UBE2F: variants seen among roughly 807,000 people sequenced by gnomAD.
UBE2F encodes ubiquitin conjugating enzyme E2 F (putative).
UBE2F carries 5 observed loss-of-function variants against 29.6 expected under a neutral mutation model. The ratio of observed to expected loss-of-function variants is 0.17; its 90% CI spans 0.09 to 0.36. The LOEUF (loss-of-function observed/expected upper bound fraction) is 0.36. Among genes scored for constraint, UBE2F ranks in the 10% least tolerant of loss-of-function variants. The pLI is 1.00. For missense variants in UBE2F, 141 were observed against 228.5 expected, an observed-to-expected ratio of 0.62 and a Z score of 2.47; for synonymous variants, 66 against 81.8, an observed-to-expected ratio of 0.81 and a Z score of 1.04.
chr2:237,974,750 G>A (rs1476070576), intron 2 of UBE2F, among the ~76,000 whole-genome samples: 1 of 151,908 alleles, frequency 6.6e-6, no homozygotes, highest in Non-Finnish European at 1.5e-5. Flanking sequence ...CCTGACCTCA[G>A]GTGATCCGCC....
At chr2:238,005,592 G>C (rs1441757094) in intron 4 of UBE2F, among the ~76,000 whole-genome samples, 1 of 122,000 alleles carries the variant, frequency 8.2e-6, no homozygotes, top group Non-Finnish European at 1.6e-5. Flanking sequence ...CAAGAGAAGA[G>C]TGTAGTTTTC....
intron 4 of UBE2F, among the ~76,000 whole-genome samples, chr2:238,002,778 A>AT (rs960237115): frequency 2.4e-4 from 36 of 151,490 alleles, no homozygotes; most frequent in African/African-American, 8.2e-4. Flanking sequence ...CGCCTGGCTA[A>AT]TTTTTATTTT....
chr2:238,020,425 G>A (rs919175903), intron 5 of UBE2F, among the ~76,000 whole-genome samples: 4 of 152,176 alleles, frequency 2.6e-5, no homozygotes, highest in African/African-American at 9.7e-5. Context: ...AACGGATACA[G>A]CAGCCAGTGC....
At chr2:237,993,520 C>T (rs1241667898) in intron 3 of UBE2F, among the ~76,000 whole-genome samples, 3 of 152,086 alleles carry the variant, frequency 2.0e-5, no homozygotes, top group African/African-American at 7.2e-5. Flanking sequence ...CAAGACTAGC[C>T]TGGGTAACAT....
At position 237,996,481 on chromosome 2, in the gene UBE2F, T is replaced by G. The variant is rs533741566; in HGVS notation, c.214+1672T>G. On this transcript the variant is annotated intron_variant, in intron 4 of 9. Transcript: ENST00000272930. ...CTTCCCCGCCTCCCCTCCGCGTTTT[T>G]TTTTTTTTTTTGAGACCAAGTCTCA... Among the ~76,000 whole-genome samples the G allele has an allele frequency of 2.1e-3, 320 of 151,432 alleles. 2 individuals are homozygous for G. The highest frequency in any genetic ancestry group is 3.4e-3 in the Middle Eastern group (1 of 294).
chr2:238,032,482 G>A, intron 8 of UBE2F: 1 of 486,820 alleles, frequency 2.1e-6, no homozygotes, highest in Non-Finnish European at 3.7e-6. Context: ...GGGCATAGTG[G>A]CACATGTCTG....
At chr2:238,031,477 A>G (rs373198620) in intron 7 of UBE2F, among the ~76,000 whole-genome samples, 1 of 152,142 alleles carries the variant, frequency 6.6e-6, no homozygotes, top group Non-Finnish European at 1.5e-5. Context: ...CCTGGCTCAC[A>G]TCGGAAGGTC....
Position 237,995,052 on chromosome 2 carries a change from G to A in UBE2F, c.214+243G>A, listed in dbSNP as rs953044058. Among the ~76,000 whole-genome samples the A allele has an allele frequency of 5.1e-4, 77 of 152,218 alleles. 2 individuals are homozygous for A. The highest frequency in any genetic ancestry group is 1.9e-3 in the African/African-American group (77 of 41,454). ...ATAAATATAACTAAAGTTAATGACA[G>A]CTGAGGCAGTTGGTGTATAGTGAAG... On this transcript the variant is annotated intron_variant, in intron 4 of 9. Coordinates refer to ENST00000272930, the MANE Select transcript of UBE2F (RefSeq NM_080678.3).
chr2:238,004,274 T>C (rs1045897486), intron 4 of UBE2F, among the ~76,000 whole-genome samples: 1 of 152,254 alleles, frequency 6.6e-6, no homozygotes, highest in Non-Finnish European at 1.5e-5. Context: ...CAGCATTTAG[T>C]TGAAAAAACT....
chr2:238,005,883 G>A (rs1486015505), intron 4 of UBE2F, among the ~76,000 whole-genome samples: 1 of 152,092 alleles, frequency 6.6e-6, no homozygotes, highest in Non-Finnish European at 1.5e-5. Context: ...AATTATTTTG[G>A]TGATTTTTGT....
At chr2:238,029,595 CAA>C (rs10557852) in intron 6 of UBE2F, among the ~76,000 whole-genome samples, 94,177 of 134,950 alleles carry the variant, frequency 0.7, 32,577 homozygotes, top group East Asian at 0.91. Context: ...GACTCCGTCT[CAA>C]AAAAAAAAAA....
intron 5 of UBE2F, among the ~76,000 whole-genome samples, chr2:238,023,275 A>G (rs1243804294): frequency 6.6e-6 from 1 of 152,260 alleles, no homozygotes; most frequent in Non-Finnish European, 1.5e-5. Context: ...GGAAAGATGC[A>G]GTTCCTCCTT....
At chr2:238,007,181 G>A (rs368190313) in intron 4 of UBE2F, among the ~76,000 whole-genome samples, 3 of 152,176 alleles carry the variant, frequency 2.0e-5, no homozygotes, top group African/African-American at 7.2e-5. Flanking sequence ...GAGTGCAGTG[G>A]TGTGATCTCA....
At position 238,042,661 on chromosome 2, in the gene UBE2F, C is replaced by A. The variant is rs2064854712; in HGVS notation, c.*1323C>A. ...TCCTTAGACCTCTGGATTCCCCCATCTGCCATCTACTGGGTTTAGTTTGTT... is the reference window on the plus strand; with the variant it reads ...TCCTTAGACCTCTGGATTCCCCCATATGCCATCTACTGGGTTTAGTTTGTT... On this transcript the variant is annotated 3_prime_UTR_variant, in exon 10 of 10. Transcript: ENST00000272930. 1 of 152,256 alleles carries A rather than the reference C, an allele frequency of 6.6e-6. No homozygotes were observed. Among genetic ancestry groups the A allele is most frequent in the Non-Finnish European group, 1.5e-5 (1 of 68,064 alleles). The allele number at this position is 152,256 out of a possible 1,614,324, so 9.4% of individuals were successfully genotyped here. A position where few individuals can be genotyped will look rare whatever the true frequency, so the allele number is the denominator to read the frequency against.
At chr2:238,034,941 G>A (rs1293205088) in intron 8 of UBE2F, among the ~76,000 whole-genome samples, 2 of 151,854 alleles carry the variant, frequency 1.3e-5, no homozygotes, top group Non-Finnish European at 1.5e-5. Context: ...CACCCAGGCT[G>A]GAGTGCAGTG....
At chr2:237,970,026 A>T (rs761731762) in intron 1 of UBE2F, among the ~76,000 whole-genome samples, 1 of 152,206 alleles carries the variant, frequency 6.6e-6, no homozygotes, top group Non-Finnish European at 1.5e-5. Context: ...GCCCATATTT[A>T]AATTGTGTAA....
intron 2 of UBE2F, among the ~76,000 whole-genome samples, chr2:237,980,099 A>G (rs1032381730): frequency 6.6e-6 from 1 of 152,260 alleles, no homozygotes; most frequent in African/African-American, 2.4e-5. Flanking sequence ...TTCTAGTTCT[A>G]GAAATCTGTG....
At chr2:238,001,419 TTTATTGATATTACA>T (rs1313781634) in intron 4 of UBE2F, among the ~76,000 whole-genome samples, 1 of 152,218 alleles carries the variant, frequency 6.6e-6, no homozygotes, top group Non-Finnish European at 1.5e-5. Context: ...TTAAAGGGTT[TTTATTGATATTACA>T]TATAGAAAAA....
chr2:238,022,606 C>T (rs1456406613), intron 5 of UBE2F, among the ~76,000 whole-genome samples: 1 of 152,166 alleles, frequency 6.6e-6, no homozygotes, highest in Non-Finnish European at 1.5e-5. Flanking sequence ...TCTACATTTT[C>T]TTCTAGTCCT....
Sources: allele counts gnomAD v4.1 joint callset (sites outside exome capture counted in the v4.1 genomes callset), GRCh38; gene constraint gnomAD v4.1.1; transcripts MANE v1.5; gene names NCBI Gene and HGNC (gene_info 2026-07-23, HGNC 2026-07-21).